The following GLS variants were observed in gnomAD, a reference collection of about 807,000 sequenced individuals.
GLS encodes the protein glutaminase.
Under a neutral mutation model 86.7 loss-of-function variants are expected in GLS, and 36 were observed. That is an observed-to-expected ratio of 0.42 (90% CI 0.32 to 0.55). The LOEUF is 0.55. Ranked by LOEUF, GLS falls within the 20% of genes least tolerant of loss-of-function variation. The pLI is 0.17. For missense variants in GLS, 528 were observed against 833.4 expected (o/e 0.63, Z 4.51); for synonymous variants, 317 against 305.9 (o/e 1.04, Z -0.38).
intron 14 of GLS, among the ~76,000 whole-genome samples, chr2:190,948,537 G>A (rs922417950): frequency 3.3e-5 from 5 of 152,132 alleles, no homozygotes; most frequent in African/African-American, 1.2e-4. Flanking sequence ...AATTTTAAAG[G>A]GGAATGTGTA....
chr2:190,881,575 A>C, intron 1 of GLS, 105 bp downstream of exon 1: 1 of 1,054,652 alleles, frequency 9.5e-7, no homozygotes, highest in Non-Finnish European at 1.3e-6. Context: ...GGGTCTAGAA[A>C]AGAGAAAGAA....
chr2:190,964,532 G>A lies in GLS; in HGVS notation c.*1546G>A, dbSNP rs1691078263. 6.6e-6 allele frequency: 1 copy of A among 152,044 alleles called. No individual in the cohort carries two copies. Among genetic ancestry groups the A allele is most frequent in the Non-Finnish European group, 1.5e-5 (1 of 68,024 alleles). 9.4% of individuals were successfully genotyped at this position (152,044 alleles called of 1,614,324 possible). A position where few individuals can be genotyped will look rare whatever the true frequency, so the allele number is the denominator to read the frequency against. ...CCAGGTGCTTTCATTTTCACTTCCAGTCTAAGCCAGTGGCTCCTGCCACTG... is the reference window on the plus strand; with the variant it reads ...CCAGGTGCTTTCATTTTCACTTCCAATCTAAGCCAGTGGCTCCTGCCACTG... On this transcript the variant is annotated 3_prime_UTR_variant, in exon 18 of 18. Coordinates refer to ENST00000320717, the MANE Select transcript of GLS (RefSeq NM_014905.5). This position sits in a 1 kb window ranked among gnomAD's most constrained non-coding sequence, Gnocchi z 5.2.
At chr2:190,899,048 A>G (rs113646450) in intron 3 of GLS, among the ~76,000 whole-genome samples, 12 of 152,336 alleles carry the variant, frequency 7.9e-5, no homozygotes, top group African/African-American at 2.9e-4. Context: ...GAGGAAGTGC[A>G]TTTGATTTGT....
intron 1 of GLS, among the ~76,000 whole-genome samples, chr2:190,891,485 A>C (rs940759095): frequency 1.4e-4 from 21 of 151,998 alleles, no homozygotes; most frequent in African/African-American, 4.6e-4. Context: ...AAAAAAGATG[A>C]GATAGCACTT....
Position 190,913,577 on chromosome 2 carries a change from G to A in GLS, c.1038+3256G>A. The A allele has an allele frequency of 1.0e-6, 1 of 960,780 alleles. No individual in the cohort carries two copies. Among genetic ancestry groups the A allele is most frequent in the East Asian group, 1.1e-4 (1 of 8,714 alleles). The allele number at this position is 960,780 out of a possible 1,614,324, so 59.5% of individuals were successfully genotyped here. The stretch of plus-strand genomic sequence containing the variant: ...AACAAAAATAAATTTGAAAGGAACA[G>A]TTATTTTTATATGATGTAGCAGTAT... On this transcript the variant is annotated intron_variant, in intron 7 of 17. Transcript: ENST00000320717. This position sits in a 1 kb window ranked among gnomAD's most constrained non-coding sequence, Gnocchi z 6.1.
In GLS at chr2:190,910,991, A is replaced by C. The variant is rs1387909321; in HGVS notation, c.1038+670A>C. Among the ~76,000 whole-genome samples the C allele has an allele frequency of 2.0e-5, 3 of 150,944 alleles. No homozygotes were observed. The South Asian group carries it at 6.2e-4, about 31-fold the overall frequency. On this transcript the variant is annotated intron_variant, in intron 7 of 17. Transcript: ENST00000320717. ...ATAATTGGAAGATCTAGTATTTTAA[A>C]ATAAGTATTTGAAAATGGTTCCTGT... is the stretch of plus-strand genomic sequence containing the variant.
At chr2:190,882,132 GTA>G (rs1688222770) in intron 1 of GLS, 1 of 152,262 alleles carries the variant, frequency 6.6e-6, no homozygotes, top group Admixed American at 6.5e-5. Context: ...GGGGCACGCA[GTA>G]TAGACCACCT....
At chr2:190,888,197 T>C (rs1688450719) in intron 1 of GLS, among the ~76,000 whole-genome samples, 1 of 152,214 alleles carries the variant, frequency 6.6e-6, no homozygotes, top group Non-Finnish European at 1.5e-5. Flanking sequence ...ATCCTGATTC[T>C]GGTTGTATAA....
intron 12 of GLS, among the ~76,000 whole-genome samples, chr2:190,928,916 T>TG (rs71030314): frequency 1.6e-5 from 2 of 122,102 alleles, no homozygotes; most frequent in South Asian, 5.1e-4. Context: ...TTTTTTTTTT[T>TG]GGTCTGCTTG....
intron 7 of GLS, among the ~76,000 whole-genome samples, chr2:190,912,908 TAGTC>T (rs1279174144): frequency 6.6e-5 from 10 of 152,186 alleles, no homozygotes; most frequent in Non-Finnish European, 1.3e-4. Flanking sequence ...CTTCGGACAT[TAGTC>T]AGTAAAGAAA....
rs1474087928 is a variant in GLS at position 190,932,657 on chromosome 2, C to T, written c.1650+1020C>T. 11 of 1,329,468 alleles carry T rather than the reference C, an allele frequency of 8.3e-6. No homozygotes were observed. The East Asian group carries it at 1.1e-4, about 13-fold the overall frequency. 82.4% of individuals were successfully genotyped at this position (1,329,468 alleles called of 1,614,324 possible). ...CTCATTGAAAAATACCATTTTATAGCTTGGACCTTTCTTCACTCAAGTGCA... is the reference window on the plus strand; with the variant it reads ...CTCATTGAAAAATACCATTTTATAGTTTGGACCTTTCTTCACTCAAGTGCA... On this transcript the variant is annotated intron_variant, in intron 14 of 17. Coordinates refer to ENST00000320717, the MANE Select transcript of GLS (RefSeq NM_014905.5).
At chr2:190,939,920 TTTA>T (rs1421632394) in intron 14 of GLS, among the ~76,000 whole-genome samples, 1 of 151,780 alleles carries the variant, frequency 6.6e-6, no homozygotes, top group East Asian at 1.9e-4. Flanking sequence ...TATTCTATTT[TTTA>T]TTGTTTCATA....
chr2:190,902,867 T>C (rs1433769584), intron 5 of GLS, among the ~76,000 whole-genome samples: 1 of 152,160 alleles, frequency 6.6e-6, no homozygotes, highest in Non-Finnish European at 1.5e-5. Flanking sequence ...AAAGTATTTC[T>C]GTTTTATCAA....
chr2:190,899,137 C>T (rs1688855055), intron 3 of GLS, among the ~76,000 whole-genome samples: 1 of 152,102 alleles, frequency 6.6e-6, no homozygotes, highest in African/African-American at 2.4e-5. Flanking sequence ...ATGTACATCT[C>T]TTGCAACTCT....
Position 190,955,563 on chromosome 2 carries a change from A to G in GLS, c.1853+745A>G, listed in dbSNP as rs1320393541. Among the ~76,000 whole-genome samples, 1 of 152,178 alleles carries G rather than the reference A, an allele frequency of 6.6e-6. No individual in the cohort carries two copies. Among genetic ancestry groups the G allele is most frequent in the Non-Finnish European group, 1.5e-5 (1 of 68,026 alleles). ...TTTGGGTTAGTTCCAAGTCTTTTCT[A>G]TTGTGAACAGTGCCACAATAAACAT... On this transcript the variant is annotated intron_variant, in intron 17 of 17. Transcript: ENST00000320717. This position sits in a 1 kb window ranked among gnomAD's most constrained non-coding sequence, Gnocchi z 5.6.
At chr2:190,884,254 A>G (rs1289386439) in intron 1 of GLS, among the ~76,000 whole-genome samples, 3 of 151,778 alleles carry the variant, frequency 2.0e-5, no homozygotes. Flanking sequence ...TTCAGCTTTG[A>G]CTCTCATCTT....
chr2:190,904,968 G>GT, intron 5 of GLS, 36 bp from the exon 6 acceptor site: 1 of 1,232,668 alleles, frequency 8.1e-7, no homozygotes, highest in South Asian at 1.3e-5. Flanking sequence ...TTTTTTCCCA[G>GT]TTGATGTTAT....
In GLS at chr2:190,921,313, G is replaced by A; in HGVS notation, c.1130+110G>A. 1 of 800,890 alleles carries A rather than the reference G, an allele frequency of 1.2e-6. No homozygotes were observed. The allele number at this position is 800,890 out of a possible 1,614,324, so 49.6% of individuals were successfully genotyped here. On this transcript the variant is annotated intron_variant, in intron 9 of 17. Coordinates refer to ENST00000320717, the MANE Select transcript of GLS (RefSeq NM_014905.5). The surrounding 1 kb of genome is among the most constrained non-coding windows in gnomAD (Gnocchi z 4.2). ...TGAATGATTTCTAAATTACCTGACAGAAACACTTAAAAATACTTTAAATAG... is the reference window on the plus strand; with the variant it reads ...TGAATGATTTCTAAATTACCTGACAAAAACACTTAAAAATACTTTAAATAG...
chr2:190,912,902 G>A (rs1307355012), intron 7 of GLS, among the ~76,000 whole-genome samples: 2 of 152,162 alleles, frequency 1.3e-5, no homozygotes, highest in Non-Finnish European at 2.9e-5. Flanking sequence ...GTCATTCTTC[G>A]GACATTAGTC....
Sources: gnomAD v4.1 joint callset for allele counts (sites outside exome capture counted in the v4.1 genomes callset) on GRCh38, gnomAD v4.1.1 for gene constraint, Gnocchi (gnomAD v3.1) non-coding constraint, MANE v1.5 for transcripts, NCBI Gene and HGNC (gene_info 2026-07-23, HGNC 2026-07-21) for gene names.